Variants in SFXN5 observed in about 807,000 individuals in gnomAD.
The protein encoded by SFXN5 is sideroflexin-5.
In SFXN5, 43 loss-of-function variants were observed where a neutral mutation model predicts 50.2. That is an observed-to-expected ratio of 0.86 (90% CI 0.67 to 1.11). The LOEUF (loss-of-function observed/expected upper bound fraction) is 1.11, where lower values mean the gene tolerates loss of function less well. SFXN5 is among the 50% of genes least tolerant of loss of function. The probability of loss-of-function intolerance (pLI) is 0.00; values close to 1 mark genes in which losing one functional copy is unlikely to be tolerated. For missense variants in SFXN5, 463 were observed against 454.1 expected (o/e 1.02, Z -0.18); for synonymous variants, 203 against 185.8 (o/e 1.09, Z -0.75).
intron 10 of SFXN5, among the ~76,000 whole-genome samples, chr2:72,987,586 T>C (rs1298715777): frequency 6.6e-6 from 1 of 151,606 alleles, no homozygotes; most frequent in African/African-American, 2.4e-5. Flanking sequence ...TGAAACCCCA[T>C]CTCTACTAAA....
At chr2:72,975,390 T>C (rs1336664254) in intron 10 of SFXN5, among the ~76,000 whole-genome samples, 1 of 152,176 alleles carries the variant, frequency 6.6e-6, no homozygotes, top group Non-Finnish European at 1.5e-5. Context: ...TGCAGTACAC[T>C]AGTCCTGCAA....
intron 2 of SFXN5, among the ~76,000 whole-genome samples, chr2:73,051,059 T>C (rs1681250555): frequency 6.6e-6 from 1 of 152,114 alleles, no homozygotes; most frequent in Non-Finnish European, 1.5e-5. Context: ...TTTGTCACTG[T>C]AATAAGAATG....
chr2:73,009,710 G>T (rs1320199168), intron 6 of SFXN5, among the ~76,000 whole-genome samples: 1 of 152,202 alleles, frequency 6.6e-6, no homozygotes, highest in Admixed American at 6.5e-5. Flanking sequence ...GCTGGGAAAG[G>T]ATCGGTCCTG....
At chr2:73,011,848 G>A (rs891952442) in intron 6 of SFXN5, among the ~76,000 whole-genome samples, 7 of 152,244 alleles carry the variant, frequency 4.6e-5, no homozygotes, top group African/African-American at 2.4e-5. Flanking sequence ...GTAAATGTGT[G>A]TAGCTTTTTA....
At chr2:73,069,191 T>C (rs953265721) in intron 1 of SFXN5, among the ~76,000 whole-genome samples, 5 of 152,288 alleles carry the variant, frequency 3.3e-5, no homozygotes, top group African/African-American at 1.2e-4. Context: ...TGATCAGATC[T>C]GCACTGTTGG....
At position 73,046,949 on chromosome 2, in the gene SFXN5, G is replaced by A. The variant is rs1385942656; in HGVS notation, c.172-6018C>T. Among the ~76,000 whole-genome samples the A allele has an allele frequency of 8.0e-5, 12 of 150,718 alleles. No homozygotes were observed. The East Asian group carries it at 1.2e-3, about 15-fold the overall frequency. Reference sequence around the variant, plus strand: ...GAGTATAAATATAAAATCTTGGGCCGGGTGCGGTGGCTCACACCTGTAATC... The same window carrying A: ...GAGTATAAATATAAAATCTTGGGCCAGGTGCGGTGGCTCACACCTGTAATC... On this transcript the variant is annotated intron_variant, in intron 2 of 13. Coordinates refer to ENST00000272433, the MANE Select transcript of SFXN5 (RefSeq NM_144579.3).
At chr2:73,048,916 T>C (rs1372861932) in intron 2 of SFXN5, among the ~76,000 whole-genome samples, 2 of 152,196 alleles carry the variant, frequency 1.3e-5, no homozygotes, top group South Asian at 2.1e-4. Context: ...GGGTGATACT[T>C]TGAGAGCGAA....
At chr2:72,951,845 A>C (rs1443571420) in intron 13 of SFXN5, among the ~76,000 whole-genome samples, 3 of 152,328 alleles carry the variant, frequency 2.0e-5, no homozygotes, top group South Asian at 2.1e-4. Flanking sequence ...CCCAAAGCCC[A>C]AGCAGGCACC....
chr2:72,956,444 T>C (rs987379943), intron 13 of SFXN5, among the ~76,000 whole-genome samples: 2 of 151,978 alleles, frequency 1.3e-5, no homozygotes, highest in Non-Finnish European at 1.5e-5. Flanking sequence ...GTGAGGGCAC[T>C]GGGATGTTCC....
rs1180029924 is a variant in SFXN5 at position 73,040,847 on chromosome 2, G to C, written c.249+7C>G. 1.9e-5 allele frequency: 31 copies of C among 1,607,916 alleles called. No homozygotes were observed. The highest frequency in any genetic ancestry group is 2.5e-5 in the Non-Finnish European group (30 of 1,177,118). On this transcript the variant is annotated splice_region_variant and intron_variant, in intron 3 of 13. Coordinates refer to ENST00000272433, the MANE Select transcript of SFXN5 (RefSeq NM_144579.3). ...ACTGGCCATGCTCCCACCTCCCACA[G>C]AGTTACCTGTTCATTGGTGACCCCC...
At chr2:72,951,552 C>T (rs995368221) in intron 13 of SFXN5, among the ~76,000 whole-genome samples, 2 of 152,170 alleles carry the variant, frequency 1.3e-5, no homozygotes, top group Admixed American at 6.5e-5. Flanking sequence ...GCCAGGCCAG[C>T]AGATAGTTTA....
At chr2:72,994,369 C>G (rs891080721) in intron 9 of SFXN5, among the ~76,000 whole-genome samples, 1 of 152,140 alleles carries the variant, frequency 6.6e-6, no homozygotes, top group African/African-American at 2.4e-5. Context: ...GCACAGGGAT[C>G]CCCTGGAACC....
chr2:72,986,798 G>A lies in SFXN5; in HGVS notation c.625+1460C>T, dbSNP rs369478770. On this transcript the variant is annotated intron_variant, in intron 10 of 13. Transcript: ENST00000272433. Reference sequence around the variant, plus strand: ...AGGGCCCCAGCCTGGGGCATCTATGGTGAGCTCATAGACTCCAAGTTCAGC... The same window carrying A: ...AGGGCCCCAGCCTGGGGCATCTATGATGAGCTCATAGACTCCAAGTTCAGC... 2.5e-4 allele frequency among the ~76,000 whole-genome samples: 38 copies of A among 152,252 alleles called. 1 individual carries two copies. The East Asian group carries it at 6.2e-3, about 25-fold the overall frequency.
chr2:72,990,913 G>A (rs894548762), intron 9 of SFXN5, among the ~76,000 whole-genome samples: 19 of 152,216 alleles, frequency 1.2e-4, no homozygotes, highest in African/African-American at 4.6e-4. Flanking sequence ...ACAGAAGGCA[G>A]CTCCTGCAGG....
chr2:73,059,586 C>G, intron 1 of SFXN5: 8 of 985,382 alleles, frequency 8.1e-6, no homozygotes, highest in Non-Finnish European at 9.6e-6. Context: ...CCCCCACACA[C>G]CAGTTCTCAT....
intron 6 of SFXN5, among the ~76,000 whole-genome samples, chr2:73,018,596 G>A (rs1676455253): frequency 6.6e-6 from 1 of 152,158 alleles, no homozygotes; most frequent in African/African-American, 2.4e-5. Context: ...GATATCCATA[G>A]GAAAATTTGA....
intron 1 of SFXN5, among the ~76,000 whole-genome samples, chr2:73,060,565 G>A (rs887997184): frequency 5.3e-5 from 8 of 152,178 alleles, no homozygotes; most frequent in Admixed American, 5.2e-4. Context: ...GCGTAGAGGG[G>A]GGAATGCTCT....
At chr2:72,947,205 T>C (rs572283734) in intron 13 of SFXN5, among the ~76,000 whole-genome samples, 2 of 152,324 alleles carry the variant, frequency 1.3e-5, no homozygotes, top group East Asian at 1.9e-4. Context: ...GTCTCGCCCC[T>C]GTGTCCTCAA....
chr2:73,022,340 T>C (rs1162985815), intron 5 of SFXN5, among the ~76,000 whole-genome samples, 182 bp downstream of exon 5: 2 of 151,838 alleles, frequency 1.3e-5, no homozygotes, highest in Non-Finnish European at 2.9e-5. Context: ...CTCCATAGAG[T>C]ATTCTGAGGC....
Sources: allele counts gnomAD v4.1 joint callset (sites outside exome capture counted in the v4.1 genomes callset), GRCh38; gene constraint gnomAD v4.1.1; transcripts MANE v1.5; gene names NCBI Gene and HGNC (gene_info 2026-07-23, HGNC 2026-07-21).